The following XKR3 variants were observed in gnomAD, a reference collection of about 807,000 sequenced individuals.
XKR3 encodes XK related 3.
XKR3 carries 27 observed loss-of-function variants against 40.3 expected under a neutral mutation model. That is an observed-to-expected ratio of 0.67 (90% confidence interval 0.49 to 0.92). The LOEUF is 0.92. XKR3 is among the 40% of genes least tolerant of loss of function. The pLI, the probability that XKR3 is intolerant of heterozygous loss-of-function variation, is 0.00. For synonymous variants in XKR3, 193 were observed against 195.4 expected (o/e 0.99, Z 0.10); for missense variants, 472 against 537.6 (o/e 0.88, Z 1.21).
At chr22:16,825,003 G>GC (rs1316359648) in intron 1 of XKR3, among the ~76,000 whole-genome samples, 1 of 152,196 alleles carries the variant, frequency 6.6e-6, no homozygotes, top group African/African-American at 2.4e-5. Flanking sequence ...GTAGATTTCT[G>GC]CCCCTTTGAG....
At chr22:16,814,460 T>A (rs1268072614) in intron 1 of XKR3, among the ~76,000 whole-genome samples, 1 of 152,178 alleles carries the variant, frequency 6.6e-6, no homozygotes, top group Admixed American at 6.5e-5. Context: ...CTATTCTGCA[T>A]CCTATGAAAG....
chr22:16,799,680 G>T, intron 3 of XKR3, 91 bp downstream of exon 3: 1 of 1,390,772 alleles, frequency 7.2e-7, no homozygotes, highest in Non-Finnish European at 9.6e-7. Context: ...ACTGTAATTT[G>T]GGATTACATA....
At chr22:16,790,552 A>C (rs2060111096) in intron 3 of XKR3, among the ~76,000 whole-genome samples, 1 of 152,172 alleles carries the variant, frequency 6.6e-6, no homozygotes, top group Non-Finnish European at 1.5e-5. Context: ...GGCCCATTAG[A>C]GGCTACAGAG....
chr22:16,804,571 A>C (rs777480626), intron 2 of XKR3, among the ~76,000 whole-genome samples: 7 of 152,188 alleles, frequency 4.6e-5, no homozygotes, highest in Non-Finnish European at 7.4e-5. Context: ...AAAAGGTGTG[A>C]ATAGAACACA....
chr22:16,784,459 G>A (rs2060081544), intron 3 of XKR3, 50 bp from the exon 4 acceptor site: 2 of 1,480,538 alleles, frequency 1.4e-6, no homozygotes, highest in South Asian at 2.8e-5. Flanking sequence ...CATTAGTAAT[G>A]ACCACTTTCT....
intron 1 of XKR3, among the ~76,000 whole-genome samples, chr22:16,818,277 T>C (rs1238536190): frequency 6.6e-6 from 1 of 152,108 alleles, no homozygotes; most frequent in East Asian, 1.9e-4. Context: ...CAGTGTTTCC[T>C]CTGAACAACT....
intron 3 of XKR3, among the ~76,000 whole-genome samples, chr22:16,789,103 T>C (rs2060103381): frequency 6.6e-6 from 1 of 152,126 alleles, no homozygotes; most frequent in Non-Finnish European, 1.5e-5. Flanking sequence ...TCTCTGAAGA[T>C]CTGAAAGGAG....
intron 3 of XKR3, among the ~76,000 whole-genome samples, chr22:16,785,561 G>A (rs1164526346): frequency 6.6e-6 from 1 of 151,672 alleles, no homozygotes; most frequent in Non-Finnish European, 1.5e-5. Context: ...ATACATGCAG[G>A]TTAAAAAAAA....
intron 3 of XKR3, among the ~76,000 whole-genome samples, chr22:16,789,126 A>G (rs1033379787): frequency 2.0e-5 from 3 of 152,180 alleles, no homozygotes; most frequent in African/African-American, 7.2e-5. Context: ...TAAGAAGTTC[A>G]CTTTAACTGC....
In XKR3 at chr22:16,806,515, G is replaced by A. The variant is rs144463529; in HGVS notation, c.335+1224C>T. 5.3e-3 allele frequency among the ~76,000 whole-genome samples: 758 copies of A among 142,230 alleles called. 7 individuals are homozygous for A. The highest frequency in any genetic ancestry group is 0.019 in the African/African-American group (714 of 37,954). 93.3% of individuals were successfully genotyped at this position (142,230 alleles called of 152,430 possible). A position where few individuals can be genotyped will look rare whatever the true frequency, so the allele number is the denominator to read the frequency against. On this transcript the variant is annotated intron_variant, in intron 2 of 3. Coordinates refer to ENST00000684488, the MANE Select transcript of XKR3 (RefSeq NM_001386955.1). Reference sequence around the variant, plus strand: ...CAGAGTTTTGCTCTGTTGCCTAGGCGCAACTTCTGCCTCCCAGTTTCAAAA... The same window carrying A: ...CAGAGTTTTGCTCTGTTGCCTAGGCACAACTTCTGCCTCCCAGTTTCAAAA...
intron 3 of XKR3, among the ~76,000 whole-genome samples, chr22:16,791,148 C>A (rs2060114030): frequency 6.6e-6 from 1 of 152,050 alleles, no homozygotes; most frequent in Non-Finnish European, 1.5e-5. Context: ...AGAATCACCT[C>A]AAGTGTCCAT....
chr22:16,805,048 C>T (rs771433078), intron 2 of XKR3, among the ~76,000 whole-genome samples: 10 of 152,068 alleles, frequency 6.6e-5, no homozygotes, highest in Non-Finnish European at 1.0e-4. Context: ...AACTCATTTT[C>T]AATATAGTAC....
chr22:16,816,731 C>T (rs1055516835), intron 1 of XKR3, among the ~76,000 whole-genome samples: 4 of 151,834 alleles, frequency 2.6e-5, no homozygotes, highest in African/African-American at 9.7e-5. Flanking sequence ...TCATATTCTG[C>T]CTTTTGGCCC....
At chr22:16,795,698 G>T (rs2060137593) in intron 3 of XKR3, among the ~76,000 whole-genome samples, 1 of 152,078 alleles carries the variant, frequency 6.6e-6, no homozygotes, top group African/African-American at 2.4e-5. Context: ...TGCGTATGAT[G>T]ACTCACCTCT....
At chr22:16,805,987 T>C (rs2060187733) in intron 2 of XKR3, among the ~76,000 whole-genome samples, 1 of 152,182 alleles carries the variant, frequency 6.6e-6, no homozygotes, top group Non-Finnish European at 1.5e-5. Flanking sequence ...GTTACTTTGG[T>C]AAACAGCCTG....
chr22:16,792,866 G>A (rs907089827), intron 3 of XKR3, among the ~76,000 whole-genome samples: 1 of 151,982 alleles, frequency 6.6e-6, no homozygotes, highest in South Asian at 2.1e-4. Context: ...CCTCTTAAAC[G>A]CCAAATAAAA....
rs1350591563 is a variant in XKR3 at position 16,799,912 on chromosome 22, C to A, written c.448G>T (p.Ala150Ser). 2 of 1,614,108 alleles carry A rather than the reference C, an allele frequency of 1.2e-6. No homozygotes were observed. The highest frequency in any genetic ancestry group is 2.7e-5 in the African/African-American group (2 of 75,056). ...ATGAAATTATCCCGGATTGAGAATG[C>A]AATCTCCCTTTCCAGCATCGTGTTT... ...KRNTMLEREIAFSIRDNFMQQ... is the reference protein window; with the variant it reads ...KRNTMLEREISFSIRDNFMQQ... Residue 150 changes from alanine (A) to serine (S), a missense_variant, in exon 3 of 4, where the codon GCA becomes TCA. Ala to Ser is a moderately conservative substitution (Grantham distance 99). Transcript: ENST00000684488.
At chr22:16,810,565 TGA>T (rs1407081670) in intron 1 of XKR3, among the ~76,000 whole-genome samples, 1 of 152,198 alleles carries the variant, frequency 6.6e-6, no homozygotes, top group Non-Finnish European at 1.5e-5. Context: ...TTATATTATG[TGA>T]GTTATATCTC....
Position 16,807,893 on chromosome 22 carries a change from C to T in XKR3, c.181G>A (p.Ala61Thr), listed in dbSNP as rs775464019. Residue 61 changes from alanine to threonine, a missense_variant, in exon 2 of 4, where the codon GCT (alanine) becomes ACT (threonine). Ala to Thr is a moderately conservative substitution (Grantham distance 58, BLOSUM62 0). Coordinates refer to ENST00000684488, the MANE Select transcript of XKR3 (RefSeq NM_001386955.1). ...AATGACATCCAGAATGTGTCATTAG[C>T]TTTTCGATAAATTTCAAACATGTAT... ...GLYMFEIYRK[A>T]NDTFWMSFTI... The T allele has an allele frequency of 6.2e-7, 1 of 1,613,998 alleles. No individual in the cohort carries two copies. The highest frequency in any genetic ancestry group is 1.7e-5 in the Admixed American group (1 of 60,020).
Sources: allele counts gnomAD v4.1 joint callset (sites outside exome capture counted in the v4.1 genomes callset), GRCh38; gene constraint gnomAD v4.1.1; transcripts MANE v1.5; gene names NCBI Gene and HGNC (gene_info 2026-07-23, HGNC 2026-07-21).